The following HCRTR1 variants were observed in gnomAD, a reference collection of about 807,000 sequenced individuals.
The protein encoded by HCRTR1 is hypocretin receptor 1.
HCRTR1 carries 28 observed loss-of-function variants against 40.6 expected under a neutral mutation model. The observed-to-expected ratio is 0.69, with a 90% CI of 0.51 to 0.95. The LOEUF is 0.95. HCRTR1 is among the 40% of genes least tolerant of loss of function. HCRTR1 has a pLI of 0.00. For synonymous variants in HCRTR1, 209 were observed against 230.0 expected (o/e 0.91, Z 0.83); for missense variants, 482 against 564.7 (o/e 0.85, Z 1.48).
At position 31,619,963 on chromosome 1, in the gene HCRTR1, G is replaced by A. The variant is rs528676824; in HGVS notation, c.378+253G>A. Among the ~76,000 whole-genome samples, 18 of 152,292 alleles carry A rather than the reference G, an allele frequency of 1.2e-4. No individual in the cohort carries two copies. In the East Asian group the frequency reaches 3.5e-3, roughly 29 times the overall value. On this transcript the variant is annotated intron_variant, in intron 4 of 8. Coordinates refer to ENST00000403528, the MANE Select transcript of HCRTR1 (RefSeq NM_001525.3). ...ACAGACATATACATAGACACGTGTG[G>A]ACATGTATAGTCACCTCCAGGTACA...
chr1:31,630,820 G>T (rs778826617), downstream of HCRTR1: 11 of 1,611,070 alleles, frequency 6.8e-6, no homozygotes, highest in Non-Finnish European at 9.3e-6. Context: ...GGGGGCTCAG[G>T]TTGTAGCCCA....
At chr1:31,617,981 C>A (rs1639765727) in intron 1 of HCRTR1, 100 bp downstream of exon 1, 1 of 152,500 alleles carries the variant, frequency 6.6e-6, no homozygotes, top group Non-Finnish European at 1.5e-5. Flanking sequence ...AACCTGGGTG[C>A]TGGGAGACTG....
chr1:31,627,454 C>T lies in HCRTR1; in HGVS notation c.*474C>T. 3.2e-6 allele frequency: 3 copies of T among 946,050 alleles called. No individual in the cohort carries two copies. The highest frequency in any genetic ancestry group is 2.7e-5 in the South Asian group (2 of 73,752). 58.6% of individuals were successfully genotyped at this position (946,050 alleles called of 1,614,324 possible). A position where few individuals can be genotyped will look rare whatever the true frequency, so the allele number is the denominator to read the frequency against. ...GAACTAATCTGGGCCCAGCCTTTCT[C>T]CAGCGGGCCACGAGCACAGCCCCAC... On this transcript the variant is annotated 3_prime_UTR_variant, in exon 9 of 9. Transcript: ENST00000403528.
chr1:31,626,761 A>T lies in HCRTR1; in HGVS notation c.1088-29A>T. ...CCCTTCCTGCTGCATCTGTCTCCTTATGGCTGTGTCTTTTGTCTCCCAACC... is the reference window on the plus strand; with the variant it reads ...CCCTTCCTGCTGCATCTGTCTCCTTTTGGCTGTGTCTTTTGTCTCCCAACC... On this transcript the variant is annotated intron_variant, in intron 8 of 8. Coordinates refer to ENST00000403528, the MANE Select transcript of HCRTR1 (RefSeq NM_001525.3). This position sits in a 1 kb window ranked among gnomAD's most constrained non-coding sequence, Gnocchi z 4.6. The T allele has an allele frequency of 6.3e-7, 1 of 1,586,478 alleles. No homozygotes were observed. The highest frequency in any genetic ancestry group is 1.1e-5 in the South Asian group (1 of 89,164).
Position 31,619,410 on chromosome 1 carries a change from C to G in HCRTR1, c.199+19C>G, listed in dbSNP as rs1256951607. 3.1e-6 allele frequency: 5 copies of G among 1,613,604 alleles called. No homozygotes were observed. The East Asian group carries it at 1.1e-4, about 36-fold the overall frequency. Reference sequence around the variant, plus strand: ...ACGCTGGGTAGGTCCAGGGCTTGCCCGGCAGTGCTGCCGGCTTTCCCTGGG... The same window carrying G: ...ACGCTGGGTAGGTCCAGGGCTTGCCGGGCAGTGCTGCCGGCTTTCCCTGGG... On this transcript the variant is annotated intron_variant, in intron 3 of 8. Coordinates refer to ENST00000403528, the MANE Select transcript of HCRTR1 (RefSeq NM_001525.3).
chr1:31,627,245 C>A lies in HCRTR1; in HGVS notation c.*265C>A. On this transcript the variant is annotated 3_prime_UTR_variant, in exon 9 of 9. Transcript: ENST00000403528. ...TTGTACTTCTCTCATTTGGCCATAC[C>A]CCACAGTATAATCTGTCCCCATCCT... 1 of 1,467,850 alleles carries A rather than the reference C, an allele frequency of 6.8e-7. No individual in the cohort carries two copies. The highest frequency in any genetic ancestry group is 9.1e-7 in the Non-Finnish European group (1 of 1,103,634). 90.9% of individuals were successfully genotyped at this position (1,467,850 alleles called of 1,614,324 possible). A position where few individuals can be genotyped will look rare whatever the true frequency, so the allele number is the denominator to read the frequency against.
intron 5 of HCRTR1, 151 bp downstream of exon 5, chr1:31,621,237 G>T: frequency 1.0e-5 from 12 of 1,151,102 alleles, no homozygotes; most frequent in Non-Finnish European, 1.4e-5. Context: ...GCTCCTACCA[G>T]GGATACTCCC....
At chr1:31,632,564 A>G (rs756851161), downstream of HCRTR1, 5 of 1,614,184 alleles carry the variant, frequency 3.1e-6, no homozygotes, top group Middle Eastern at 1.7e-4. Flanking sequence ...AGGTTCTTCC[A>G]CTGCTGGATG....
rs761483710 is a variant in HCRTR1, at chr1:31,619,407, G to C, written c.199+16G>C. On this transcript the variant is annotated intron_variant, in intron 3 of 8. Transcript: ENST00000403528. ...AACACGCTGGGTAGGTCCAGGGCTT[G>C]CCCGGCAGTGCTGCCGGCTTTCCCT... 2 of 1,613,834 alleles carry C rather than the reference G, an allele frequency of 1.2e-6. No individual in the cohort carries two copies. The highest frequency in any genetic ancestry group is 1.1e-5 in the South Asian group (1 of 91,080).
chr1:31,632,979 A>C (rs1199617120), downstream of HCRTR1, among the ~76,000 whole-genome samples: 1 of 152,200 alleles, frequency 6.6e-6, no homozygotes, highest in East Asian at 1.9e-4. Flanking sequence ...AACTTAAGAA[A>C]GATCTCAGGA....
intron 7 of HCRTR1, 91 bp from the exon 8 acceptor site, chr1:31,624,906 C>T: frequency 7.3e-7 from 1 of 1,374,006 alleles, no homozygotes; most frequent in Non-Finnish European, 9.8e-7. Context: ...GGAACTCTTG[C>T]ACTTTACAGC....
At chr1:31,632,330 G>T, downstream of HCRTR1, 1 of 1,221,586 alleles carries the variant, frequency 8.2e-7, no homozygotes, top group Non-Finnish European at 1.2e-6. Flanking sequence ...CAGTGCCCCA[G>T]CTGGGTCAAA....
At chr1:31,633,108 T>C, downstream of HCRTR1, 2 of 1,571,504 alleles carry the variant, frequency 1.3e-6, no homozygotes, top group Non-Finnish European at 1.7e-6. Context: ...TACTGTCCAC[T>C]ATCAGGTGGC....
chr1:31,629,284 G>A (rs1423370211), downstream of HCRTR1, among the ~76,000 whole-genome samples: 1 of 152,162 alleles, frequency 6.6e-6, no homozygotes, highest in Non-Finnish European at 1.5e-5. Context: ...AGGGAGGAGA[G>A]CCCTGCACAG....
rs943404870 is a variant in HCRTR1, at chr1:31,626,624, G to T, written c.1088-166G>T. 8.6e-5 allele frequency among the ~76,000 whole-genome samples: 13 copies of T among 152,028 alleles called. No homozygotes were observed. Among genetic ancestry groups the T allele is most frequent in the African/African-American group, 2.9e-4 (12 of 41,370 alleles). ...CCAGGGCTTCTGTCCTCTCTCTCTG[G>T]CGGTGCCGAGGTTGCCTCAGGGCTC... On this transcript the variant is annotated intron_variant, in intron 8 of 8. Transcript: ENST00000403528. The surrounding 1 kb of genome is among the most constrained non-coding windows in gnomAD (Gnocchi z 4.6).
At position 31,627,224 on chromosome 1, in the gene HCRTR1, A is replaced by T; in HGVS notation, c.*244A>T. 5.2e-4 allele frequency: 720 copies of T among 1,379,830 alleles called. No homozygotes were observed. Among genetic ancestry groups the T allele is most frequent in the Non-Finnish European group, 6.5e-4 (664 of 1,016,166 alleles). 85.5% of individuals were successfully genotyped at this position (1,379,830 alleles called of 1,614,324 possible). On this transcript the variant is annotated 3_prime_UTR_variant, in exon 9 of 9. Transcript: ENST00000403528. ...GTGTTGTGGACATGATTATTGTTGT[A>T]CTTCTCTCATTTGGCCATACCCCAC...
At position 31,627,063 on chromosome 1, in the gene HCRTR1, T is replaced by C; in HGVS notation, c.*83T>C. 2 of 1,533,342 alleles carry C rather than the reference T, an allele frequency of 1.3e-6. No homozygotes were observed. The highest frequency in any genetic ancestry group is 2.5e-5 in the South Asian group (2 of 79,790). The allele number at this position is 1,533,342 out of a possible 1,614,324, so 95.0% of individuals were successfully genotyped here. Reference sequence around the variant, plus strand: ...GACAGCTGGATGTGGTGAAAGGCTGTGGCTTCAGTCCTGGGTTTCTGCCTG... The same window carrying C: ...GACAGCTGGATGTGGTGAAAGGCTGCGGCTTCAGTCCTGGGTTTCTGCCTG... On this transcript the variant is annotated 3_prime_UTR_variant, in exon 9 of 9. Transcript: ENST00000403528.
At chr1:31,633,327 G>T (rs781662444), downstream of HCRTR1, 2 of 1,602,816 alleles carry the variant, frequency 1.2e-6, no homozygotes, top group East Asian at 2.2e-5. Context: ...GGAGGAAGGG[G>T]TGTGAAGGCC....
At chr1:31,633,160 T>C, downstream of HCRTR1, 1 of 1,613,200 alleles carries the variant, frequency 6.2e-7, no homozygotes, top group African/African-American at 1.3e-5. Context: ...GAGACTCACT[T>C]ATCATCATGA....
Sources: allele counts gnomAD v4.1 joint callset (sites outside exome capture counted in the v4.1 genomes callset), GRCh38; gene constraint gnomAD v4.1.1; non-coding constraint Gnocchi (gnomAD v3.1); transcripts MANE v1.5; gene names NCBI Gene and HGNC (gene_info 2026-07-23, HGNC 2026-07-21).